PPL: variants seen among roughly 807,000 people sequenced by gnomAD.
PPL encodes 190 kDa paraneoplastic pemphigus antigen.
Under a neutral mutation model 194.4 loss-of-function variants are expected in PPL, and 198 were observed. The observed-to-expected ratio is 1.02, with a 90% confidence interval of 0.91 to 1.15. PPL has a LOEUF of 1.15. Ranked by LOEUF, PPL falls within the 50% of genes most tolerant of loss-of-function variation. The probability of loss-of-function intolerance (pLI) is 0.00; values close to 1 mark genes in which losing one functional copy is unlikely to be tolerated. For missense variants in PPL, 2,885 were observed against 2,294.8 expected (o/e 1.26, Z -5.25); for synonymous variants, 1,220 against 972.4 (o/e 1.25, Z -4.74).
At chr16:4,898,191 C>A (rs2088472196) in intron 8 of PPL, among the ~76,000 whole-genome samples, 1 of 152,052 alleles carries the variant, frequency 6.6e-6, no homozygotes, top group African/African-American at 2.4e-5. Context: ...TAGCCTGGCC[C>A]ACATGATGAG....
intron 1 of PPL, among the ~76,000 whole-genome samples, chr16:4,916,664 C>G (rs2088922884): frequency 9.5e-6 from 1 of 104,990 alleles, no homozygotes; most frequent in Admixed American, 1.1e-4. Context: ...GGCACCGTGC[C>G]CAGCTAATTT....
chr16:4,915,388 G>A (rs2088898372), intron 1 of PPL, among the ~76,000 whole-genome samples: 1 of 152,236 alleles, frequency 6.6e-6, no homozygotes, highest in South Asian at 2.1e-4. Context: ...TCTGTCCTCT[G>A]GCGATGACCA....
intron 6 of PPL, 37 bp from the exon 7 acceptor site, chr16:4,899,421 A>T (rs762541811): frequency 7.0e-7 from 1 of 1,438,134 alleles, no homozygotes; most frequent in Middle Eastern, 1.9e-4. Context: ...CTGCGTCCTC[A>T]GCCCGCTGCC....
In PPL at chr16:4,888,959, CG is replaced by C. The variant is rs1444802983; in HGVS notation, c.2397+18del. ...AGACCCCTGCTGTTTGTGCTTTGGG[CG>C]GAAGTTTCCCGGCTCACCTTTACAG... On this transcript the variant is annotated intron_variant, in intron 19 of 21. Transcript: ENST00000345988. 1.2e-6 allele frequency: 2 copies of C among 1,610,856 alleles called. No individual in the cohort carries two copies. Among genetic ancestry groups the C allele is most frequent in the African/African-American group, 2.7e-5 (2 of 74,790 alleles).
chr16:4,935,053 G>C (rs973100973), intron 1 of PPL, among the ~76,000 whole-genome samples: 1 of 152,194 alleles, frequency 6.6e-6, no homozygotes, highest in Non-Finnish European at 1.5e-5. Context: ...CGTCTAAATG[G>C]AGATCTGGGA....
chr16:4,890,264 A>G lies in PPL; in HGVS notation c.2233T>C (p.Phe745Leu), dbSNP rs1567994341. The G allele has an allele frequency of 6.2e-7, 1 of 1,614,144 alleles. No individual in the cohort carries two copies. The highest frequency in any genetic ancestry group is 1.3e-5 in the African/African-American group (1 of 75,036). ...TCGTAACTGGGGATGCTGACTAGGA[A>G]CTGCAGCACGTGGTCATGGCCGCGG... ...FHRGHDHVLQ[F>L]LVSIPSYEPQ... The change falls in exon 18 of 22, where the codon TTC becomes CTC. Residue 745 changes from phenylalanine to leucine, a missense_variant. Transcript: ENST00000345988.
chr16:4,898,611 C>G (rs2088480577), intron 8 of PPL, among the ~76,000 whole-genome samples: 1 of 152,096 alleles, frequency 6.6e-6, no homozygotes. Flanking sequence ...TTGGCAACCC[C>G]CAGAAGCCGG....
intron 1 of PPL, among the ~76,000 whole-genome samples, chr16:4,914,167 T>C (rs1303420859): frequency 6.6e-6 from 1 of 151,972 alleles, no homozygotes; most frequent in Non-Finnish European, 1.5e-5. Context: ...GCACGTCCCG[T>C]GGGGTGGGCC....
intron 3 of PPL, among the ~76,000 whole-genome samples, chr16:4,903,245 C>T (rs565234794): frequency 1.3e-5 from 2 of 152,056 alleles, no homozygotes; most frequent in East Asian, 1.9e-4. Context: ...GATTCATCCA[C>T]GATAAAATGA....
At chr16:4,909,946 C>T (rs1337538149) in intron 2 of PPL, among the ~76,000 whole-genome samples, 1 of 152,252 alleles carries the variant, frequency 6.6e-6, no homozygotes, top group Non-Finnish European at 1.5e-5. Context: ...GTAACTCCAC[C>T]TGCAGGCCGA....
chr16:4,890,349 C>G lies in PPL; in HGVS notation c.2163-15G>C, dbSNP rs201312010. Reference sequence around the variant, plus strand: ...GGCTCTGCGCCCTGTCAAGGCAAAGCGTTCAGGCCTCAGCCACAGCAAACA... The same window carrying G: ...GGCTCTGCGCCCTGTCAAGGCAAAGGGTTCAGGCCTCAGCCACAGCAAACA... On this transcript the variant is annotated splice_polypyrimidine_tract_variant and intron_variant, in intron 17 of 21. Coordinates refer to ENST00000345988, the MANE Select transcript of PPL (RefSeq NM_002705.5). 4 of 1,594,986 alleles carry G rather than the reference C, an allele frequency of 2.5e-6. No individual in the cohort carries two copies. In the African/African-American group the frequency reaches 4.0e-5, roughly 16 times the overall value.
At position 4,883,296 on chromosome 16, in the gene PPL, G is replaced by C. The variant is rs1264607989; in HGVS notation, c.*88C>G. 31 of 1,574,266 alleles carry C rather than the reference G, an allele frequency of 2.0e-5. No individual in the cohort carries two copies. Among genetic ancestry groups the C allele is most frequent in the Non-Finnish European group, 2.7e-5 (31 of 1,160,676 alleles). On this transcript the variant is annotated 3_prime_UTR_variant, in exon 22 of 22. Coordinates refer to ENST00000345988, the MANE Select transcript of PPL (RefSeq NM_002705.5). The surrounding 1 kb of genome is among the most constrained non-coding windows in gnomAD (Gnocchi z 4.8). ...TGTATAAAATGCTTGGCCTGCACCA[G>C]GGCAAGGGAGAGGACGACACCAAGG... is the stretch of plus-strand genomic sequence containing the variant.
At chr16:4,929,302 C>G (rs1568064393) in intron 1 of PPL, among the ~76,000 whole-genome samples, 1 of 152,032 alleles carries the variant, frequency 6.6e-6, no homozygotes. Flanking sequence ...GGACTGGGCC[C>G]CCTTTGCTTC....
At chr16:4,904,066 A>C in intron 2 of PPL, 26 bp from the exon 3 acceptor site, 1 of 1,604,758 alleles carries the variant, frequency 6.2e-7, no homozygotes, top group Non-Finnish European at 8.5e-7. Flanking sequence ...GAGAGGGGAC[A>C]ATGAACAGGA....
At chr16:4,899,158 C>A (rs1202705816) in intron 7 of PPL, 38 bp from the exon 8 acceptor site, 1 of 1,613,508 alleles carries the variant, frequency 6.2e-7, no homozygotes, top group African/African-American at 1.3e-5. Flanking sequence ...CAGTGCCCAG[C>A]CTGGCGGTCC....
rs74003547 is a variant in PPL, at chr16:4,892,457, C to T, written c.1651-244G>A. Among the ~76,000 whole-genome samples, 1,116 of 152,330 alleles carry T rather than the reference C, an allele frequency of 7.3e-3. 9 individuals are homozygous for T. The highest frequency in any genetic ancestry group is 0.025 in the African/African-American group (1,059 of 41,568). On this transcript the variant is annotated intron_variant, in intron 14 of 21. Coordinates refer to ENST00000345988, the MANE Select transcript of PPL (RefSeq NM_002705.5). ...ACACCAGAAGCACCCAGGCAGCTGC[C>T]GGGCCTGTGCTGTCCTCAGCACTGC... is the stretch of plus-strand genomic sequence containing the variant.
Position 4,899,519 on chromosome 16 carries a change from C to CCAGCTATGGGTGGCCTGAGGACAAGCT in PPL, c.607-136_607-135insAGCTTGTCCTCAGGCCACCCATAGCTG. The CCAGCTATGGGTGGCCTGAGGACAAGCT allele has an allele frequency of 7.6e-6, 7 of 923,504 alleles. 1 individual carries two copies. Among genetic ancestry groups the CCAGCTATGGGTGGCCTGAGGACAAGCT allele is most frequent in the Non-Finnish European group, 1.1e-5 (7 of 632,006 alleles). The allele number at this position is 923,504 out of a possible 1,614,324, so 57.2% of individuals were successfully genotyped here. A position where few individuals can be genotyped will look rare whatever the true frequency, so the allele number is the denominator to read the frequency against. The stretch of plus-strand genomic sequence containing the variant: ...AGCTATGGGTGGCCTGAGGACAAGC[C>CCAGCTATGGGTGGCCTGAGGACAAGCT]CAGCTTAGCCACGTCCAGGCCAGTC... On this transcript the variant is annotated intron_variant, in intron 6 of 21. Coordinates refer to ENST00000345988, the MANE Select transcript of PPL (RefSeq NM_002705.5).
intron 2 of PPL, among the ~76,000 whole-genome samples, chr16:4,905,202 A>G (rs968990645): frequency 5.9e-5 from 9 of 152,194 alleles, no homozygotes; most frequent in African/African-American, 1.7e-4. Context: ...TCCCATCTCT[A>G]TAATGGGCAT....
intron 1 of PPL, among the ~76,000 whole-genome samples, chr16:4,914,279 C>T (rs1042717924): frequency 4.6e-5 from 7 of 152,144 alleles, no homozygotes; most frequent in African/African-American, 1.7e-4. Context: ...AATTCAGATT[C>T]CCGGCCACTA....
Sources: allele counts gnomAD v4.1 joint callset (sites outside exome capture counted in the v4.1 genomes callset), GRCh38; gene constraint gnomAD v4.1.1; non-coding constraint Gnocchi (gnomAD v3.1); transcripts MANE v1.5; gene names NCBI Gene and HGNC (gene_info 2026-07-23, HGNC 2026-07-21).